PSD3: variants seen among roughly 807,000 people sequenced by gnomAD.
PSD3 encodes the protein PH and SEC7 domain-containing protein 3.
In PSD3, 49 loss-of-function variants were observed where a neutral mutation model predicts 105.5. The observed-to-expected ratio is 0.46, with a 90% CI of 0.37 to 0.59. The LOEUF (loss-of-function observed/expected upper bound fraction) is 0.59. Ranked by LOEUF, PSD3 falls within the 20% of genes least tolerant of loss-of-function variation. The pLI is 0.00. For synonymous variants in PSD3, 557 were observed against 457.8 expected, an observed-to-expected ratio of 1.22 and a Z score of -2.77; for missense variants, 1,561 against 1,263.8, an observed-to-expected ratio of 1.24 and a Z score of -3.57.
chr8:18,554,534 G>A (rs540452608), intron 15 of PSD3, among the ~76,000 whole-genome samples: 1 of 152,140 alleles, frequency 6.6e-6, no homozygotes, highest in Non-Finnish European at 1.5e-5. Context: ...AAGAAAACTA[G>A]TACATGGAAC....
At chr8:18,944,518 C>T (rs989465407) in intron 1 of PSD3, among the ~76,000 whole-genome samples, 1 of 151,816 alleles carries the variant, frequency 6.6e-6, no homozygotes, top group Non-Finnish European at 1.5e-5. Context: ...CTGCAGTGAG[C>T]CAAGATTGAG....
At chr8:18,672,356 A>T (rs1170200324) in intron 9 of PSD3, among the ~76,000 whole-genome samples, 4 of 152,148 alleles carry the variant, frequency 2.6e-5, no homozygotes, top group African/African-American at 9.7e-5. Flanking sequence ...TAAAAAAAAC[A>T]ATCCCTGGGG....
intron 1 of PSD3, among the ~76,000 whole-genome samples, chr8:19,021,668 A>G (rs1586637471): frequency 6.6e-6 from 1 of 152,166 alleles, no homozygotes; most frequent in African/African-American, 2.4e-5. Flanking sequence ...TGGTTGACCA[A>G]AACTATCTGC....
chr8:18,965,664 T>C (rs1415421186), intron 1 of PSD3, among the ~76,000 whole-genome samples: 2 of 152,194 alleles, frequency 1.3e-5, no homozygotes, highest in Non-Finnish European at 2.9e-5. Flanking sequence ...ACATAAAAAG[T>C]GTCCAATCCA....
rs116586296 is a variant in PSD3 at position 18,850,492 on chromosome 8, C to T, written c.1634+17182G>A. 2.9e-3 allele frequency among the ~76,000 whole-genome samples: 438 copies of T among 152,320 alleles called. 3 individuals carry two copies. Among genetic ancestry groups the T allele is most frequent in the African/African-American group, 0.01 (427 of 41,552 alleles). On this transcript the variant is annotated intron_variant, in intron 4 of 15. Transcript: ENST00000327040. Reference sequence around the variant, plus strand: ...GATACTCATCCTTAACACCCTGTCACCCTTAAGAGATTTTCATTCATTTAG... The same window carrying T: ...GATACTCATCCTTAACACCCTGTCATCCTTAAGAGATTTTCATTCATTTAG...
rs564506086 is a variant in PSD3 at position 18,914,481 on chromosome 8, C to CA, written c.130+21552dup. Among the ~76,000 whole-genome samples the CA allele has an allele frequency of 5.4e-4, 82 of 151,450 alleles. 2 individuals carry two copies. In the South Asian group the frequency reaches 0.016, roughly 30 times the overall value. ...TATACAGAAATCCTAAAGAGTCCAC[C>CA]AAAAAAAATGTTAAAACTAATAAAT... On this transcript the variant is annotated intron_variant, in intron 2 of 15. Coordinates refer to ENST00000327040, the MANE Select transcript of PSD3 (RefSeq NM_015310.4).
At chr8:19,024,991 G>C (rs1426916) in intron 1 of PSD3, among the ~76,000 whole-genome samples, 60,171 of 151,890 alleles carry the variant, frequency 0.4, 12,191 homozygotes, top group East Asian at 0.44. Flanking sequence ...GTCACAGTGA[G>C]ACAGGATAGT....
intron 14 of PSD3, among the ~76,000 whole-genome samples, chr8:18,557,918 AAATGGGGTCCCT>A (rs1238303187): frequency 6.6e-6 from 1 of 152,228 alleles, no homozygotes; most frequent in Non-Finnish European, 1.5e-5. Flanking sequence ...CTATACTCGA[AAATGGGGTCCCT>A]AAAGAAGTAA....
intron 8 of PSD3, among the ~76,000 whole-genome samples, chr8:18,771,435 C>T (rs528981773): frequency 1.3e-5 from 2 of 152,238 alleles, no homozygotes; most frequent in African/African-American, 2.4e-5. Context: ...TTGCCTAATC[C>T]AACATCACAA....
intron 12 of PSD3, among the ~76,000 whole-genome samples, chr8:18,580,511 C>T (rs1170827636): frequency 6.6e-6 from 1 of 152,030 alleles, no homozygotes; most frequent in Admixed American, 6.6e-5. Flanking sequence ...GATCGCACCA[C>T]TGTGTTCCAG....
intron 9 of PSD3, among the ~76,000 whole-genome samples, chr8:18,667,851 G>A (rs1393941961): frequency 2.6e-5 from 4 of 152,346 alleles, no homozygotes; most frequent in Admixed American, 2.6e-4. Context: ...TGAGGCCTGG[G>A]GAGAATCTGA....
At chr8:18,750,408 G>A (rs534380384) in intron 9 of PSD3, among the ~76,000 whole-genome samples, 2 of 152,200 alleles carry the variant, frequency 1.3e-5, no homozygotes, top group East Asian at 3.9e-4. Context: ...CGCGTCTGGA[G>A]TTGTTCGTTC....
chr8:18,652,555 T>C (rs547945791), intron 10 of PSD3, among the ~76,000 whole-genome samples: 2 of 144,178 alleles, frequency 1.4e-5, no homozygotes, highest in Non-Finnish European at 3.0e-5. Flanking sequence ...TGGGGTATAG[T>C]GGCACAATCT....
chr8:18,717,165 CA>C (rs1563195469), intron 9 of PSD3, among the ~76,000 whole-genome samples: 1 of 151,700 alleles, frequency 6.6e-6, no homozygotes, highest in African/African-American at 2.4e-5. Flanking sequence ...AACCTAAAGC[CA>C]AAACATTTCA....
intron 10 of PSD3, among the ~76,000 whole-genome samples, chr8:18,646,979 A>G (rs1376740826): frequency 6.6e-6 from 1 of 152,214 alleles, no homozygotes; most frequent in Non-Finnish European, 1.5e-5. Context: ...AGGTACCCAC[A>G]TAAAAAACAG....
intron 1 of PSD3, among the ~76,000 whole-genome samples, chr8:18,945,482 C>T (rs577847387): frequency 6.3e-4 from 96 of 152,300 alleles, no homozygotes; most frequent in Non-Finnish European, 1.2e-3. Flanking sequence ...TATCCTCTGG[C>T]ACCTTGATTT....
Position 18,805,666 on chromosome 8 carries a change from T to C in PSD3, c.1635-768A>G, listed in dbSNP as rs1043728140. On this transcript the variant is annotated intron_variant, in intron 4 of 15. Coordinates refer to ENST00000327040, the MANE Select transcript of PSD3 (RefSeq NM_015310.4). ...TTAACCCTTACATGATTTTGTAACATCACACATTGGTTATCTGCAAAACAT... is the reference window on the plus strand; with the variant it reads ...TTAACCCTTACATGATTTTGTAACACCACACATTGGTTATCTGCAAAACAT... Among the ~76,000 whole-genome samples, 5 of 152,314 alleles carry C rather than the reference T, an allele frequency of 3.3e-5. No homozygotes were observed. In the East Asian group the frequency reaches 9.6e-4, roughly 29 times the overall value.
intron 9 of PSD3, among the ~76,000 whole-genome samples, chr8:18,765,097 C>G (rs1381478733): frequency 6.6e-6 from 1 of 152,130 alleles, no homozygotes; most frequent in Non-Finnish European, 1.5e-5. Context: ...CCATTATAGC[C>G]TGCAAATGCT....
At chr8:18,798,974 T>C (rs1810435483) in intron 8 of PSD3, among the ~76,000 whole-genome samples, 1 of 152,054 alleles carries the variant, frequency 6.6e-6, no homozygotes, top group Admixed American at 6.6e-5. Context: ...TCCATCATTA[T>C]CTATCAACTG....
Sources: gnomAD v4.1 joint callset for allele counts (sites outside exome capture counted in the v4.1 genomes callset) on GRCh38, gnomAD v4.1.1 for gene constraint, MANE v1.5 for transcripts, NCBI Gene and HGNC (gene_info 2026-07-23, HGNC 2026-07-21) for gene names.